Variants in CADPS2 observed in about 807,000 individuals in gnomAD.
The protein encoded by CADPS2 is calcium-dependent secretion activator 2.
In CADPS2, 93 loss-of-function variants were observed where a neutral mutation model predicts 172.5. The observed-to-expected ratio is 0.54, with a 90% CI of 0.46 to 0.64. CADPS2 has a LOEUF of 0.64. Among genes scored for constraint, CADPS2 ranks in the 30% least tolerant of loss-of-function variants. CADPS2 has a pLI of 0.00. For synonymous variants in CADPS2, 546 were observed against 555.2 expected, an observed-to-expected ratio of 0.98 and a Z score of 0.23; for missense variants, 1,420 against 1,565.9, an observed-to-expected ratio of 0.91 and a Z score of 1.57.
Position 122,319,049 on chromosome 7 carries a change from TGAGA to T in CADPS2, c.*1112_*1115del, listed in dbSNP as rs1224598345. 2 of 152,180 alleles carry T rather than the reference TGAGA, an allele frequency of 1.3e-5. No individual in the cohort carries two copies. The highest frequency in any genetic ancestry group is 2.9e-5 in the Non-Finnish European group (2 of 68,038). 9.4% of individuals were successfully genotyped at this position (152,180 alleles called of 1,614,324 possible). A position where few individuals can be genotyped will look rare whatever the true frequency, so the allele number is the denominator to read the frequency against. On this transcript the variant is annotated 3_prime_UTR_variant, in exon 30 of 30. Transcript: ENST00000449022. The stretch of plus-strand genomic sequence containing the variant: ...CTCAAACCCTAGCAAGAAAATATTT[TGAGA>T]GAACCACTAATAATGTGAATTACTA...
At chr7:122,377,284 C>T (rs2151325364) in intron 25 of CADPS2, among the ~76,000 whole-genome samples, 1 of 152,204 alleles carries the variant, frequency 6.6e-6, no homozygotes, top group South Asian at 2.1e-4. Context: ...AGCTCAAATA[C>T]ACTATTTTTA....
At chr7:122,420,977 T>C (rs922619468) in intron 17 of CADPS2, 1 of 152,246 alleles carries the variant, frequency 6.6e-6, no homozygotes, top group Non-Finnish European at 1.5e-5. Flanking sequence ...GGTTTCATTC[T>C]ACTCCATGGC....
At chr7:122,480,084 G>C (rs1324725299) in intron 12 of CADPS2, 2 of 469,556 alleles carry the variant, frequency 4.3e-6, no homozygotes, top group African/African-American at 4.0e-5. Flanking sequence ...CATCAATCTG[G>C]CAACTCTAGC....
chr7:122,730,929 A>G (rs941429297), intron 2 of CADPS2, among the ~76,000 whole-genome samples: 4 of 151,628 alleles, frequency 2.6e-5, no homozygotes, highest in South Asian at 2.1e-4. Context: ...GGCCAGAATT[A>G]GAACATTTTT....
At chr7:122,644,968 TAAA>T (rs1426906196) in intron 3 of CADPS2, among the ~76,000 whole-genome samples, 1 of 152,008 alleles carries the variant, frequency 6.6e-6, no homozygotes, top group Non-Finnish European at 1.5e-5. Flanking sequence ...ATAAGGGTCT[TAAA>T]AATGCATTTC....
chr7:122,859,336 T>C (rs941823438), intron 1 of CADPS2, among the ~76,000 whole-genome samples: 9 of 152,220 alleles, frequency 5.9e-5, no homozygotes, highest in South Asian at 2.1e-4. Flanking sequence ...TTTATTCCTG[T>C]CTTAATGTAT....
chr7:122,545,859 G>A (rs1424817647), intron 8 of CADPS2, among the ~76,000 whole-genome samples: 1 of 152,030 alleles, frequency 6.6e-6, no homozygotes, highest in African/African-American at 2.4e-5. Context: ...ATTGACCTGT[G>A]GACTACTGTT....
intron 6 of CADPS2, among the ~76,000 whole-genome samples, chr7:122,600,677 A>C (rs943307667): frequency 2.0e-5 from 3 of 152,138 alleles, no homozygotes; most frequent in Non-Finnish European, 4.4e-5. Flanking sequence ...AAAGTCCAAC[A>C]AAAACTTGTT....
At chr7:122,675,173 A>G (rs2082262676) in intron 2 of CADPS2, among the ~76,000 whole-genome samples, 1 of 152,236 alleles carries the variant, frequency 6.6e-6, no homozygotes, top group African/African-American at 2.4e-5. Flanking sequence ...ATGGAAACAC[A>G]CTAAGGCAGC....
chr7:122,320,160 T>C lies in CADPS2; in HGVS notation c.*5A>G. On this transcript the variant is annotated 3_prime_UTR_variant, in exon 30 of 30. Coordinates refer to ENST00000449022, the MANE Select transcript of CADPS2 (RefSeq NM_017954.11). ...TCTTCCTTCCTTCTGCAAAGCTGTG[T>C]GATATCAGCCTTCTTCTTCTTCGTC... is the stretch of plus-strand genomic sequence containing the variant. The C allele has an allele frequency of 6.3e-7, 1 of 1,591,296 alleles. No homozygotes were observed. The highest frequency in any genetic ancestry group is 8.6e-7 in the Non-Finnish European group (1 of 1,169,012).
intron 27 of CADPS2, 145 bp downstream of exon 27, chr7:122,360,643 T>C (rs1380423425): frequency 1.5e-6 from 1 of 683,062 alleles, no homozygotes; most frequent in East Asian, 2.7e-5. Context: ...TGTCTTGTTA[T>C]GAAGGTTAGT....
chr7:122,750,157 C>T (rs1010904241), intron 1 of CADPS2, among the ~76,000 whole-genome samples: 7 of 152,164 alleles, frequency 4.6e-5, no homozygotes, highest in Admixed American at 4.6e-4. Context: ...CTATTGTATG[C>T]TACACTGCTG....
At chr7:122,643,117 C>T (rs1438906777) in intron 3 of CADPS2, among the ~76,000 whole-genome samples, 1 of 152,122 alleles carries the variant, frequency 6.6e-6, no homozygotes, top group Non-Finnish European at 1.5e-5. Flanking sequence ...AAACCTAATG[C>T]TGATTCCAAA....
chr7:122,583,800 C>T (rs1462370045), intron 6 of CADPS2, among the ~76,000 whole-genome samples: 1 of 150,926 alleles, frequency 6.6e-6, no homozygotes, highest in African/African-American at 2.4e-5. Context: ...ATATCATATA[C>T]ATCACATCAT....
intron 6 of CADPS2, among the ~76,000 whole-genome samples, chr7:122,612,153 C>T (rs1455453741): frequency 1.3e-5 from 2 of 151,910 alleles, no homozygotes; most frequent in East Asian, 1.9e-4. Flanking sequence ...AGGAACAACA[C>T]CAACATGCCT....
At chr7:122,618,043 CAAAAA>C (rs35600638) in intron 5 of CADPS2, among the ~76,000 whole-genome samples, 1 of 145,664 alleles carries the variant, frequency 6.9e-6, no homozygotes, top group South Asian at 2.2e-4. Flanking sequence ...GATTCCATCT[CAAAAA>C]AAAAAAAAAT....
At chr7:122,473,783 G>A (rs2056278706) in intron 13 of CADPS2, among the ~76,000 whole-genome samples, 1 of 152,046 alleles carries the variant, frequency 6.6e-6, no homozygotes, top group Non-Finnish European at 1.5e-5. Context: ...CCCAAATGTT[G>A]GCTACAATTT....
rs1188102150 is a variant in CADPS2, at chr7:122,491,223, G to C, written c.1651+89C>G. ...GAAATATGCACCCTATTCATCGAGA[G>C]GGGTTTAAATTGTAGAACAGACAAA... On this transcript the variant is annotated intron_variant, in intron 10 of 29. Coordinates refer to ENST00000449022, the MANE Select transcript of CADPS2 (RefSeq NM_017954.11). 8.2e-6 allele frequency: 6 copies of C among 732,590 alleles called. No individual in the cohort carries two copies. In the Admixed American group the frequency reaches 1.9e-4, roughly 23 times the overall value. The allele number at this position is 732,590 out of a possible 1,614,324, so 45.4% of individuals were successfully genotyped here.
rs1456649864 is a variant in CADPS2, at chr7:122,820,786, C to T, written c.339+65213G>A. ...TTGTTAGCCAGGATGGTCTCGATCT[C>T]CTGACCTCGTGATCCGCCCGCCTCG... is the stretch of plus-strand genomic sequence containing the variant. On this transcript the variant is annotated intron_variant, in intron 1 of 29. Coordinates refer to ENST00000449022, the MANE Select transcript of CADPS2 (RefSeq NM_017954.11). 6.6e-5 allele frequency among the ~76,000 whole-genome samples: 9 copies of T among 136,342 alleles called. 3 individuals are homozygous for T. Among genetic ancestry groups the T allele is most frequent in the Non-Finnish European group, 1.4e-4 (9 of 63,620 alleles). The allele number at this position is 136,342 out of a possible 152,430, so 89.4% of individuals were successfully genotyped here.
Sources: allele counts gnomAD v4.1 joint callset (sites outside exome capture counted in the v4.1 genomes callset), GRCh38; gene constraint gnomAD v4.1.1; transcripts MANE v1.5; gene names NCBI Gene and HGNC (gene_info 2026-07-23, HGNC 2026-07-21).